Variants in SREBF2 observed in about 807,000 individuals in gnomAD.
SREBF2 encodes the protein sterol regulatory element-binding protein 2.
Under a neutral mutation model 113.1 loss-of-function variants are expected in SREBF2, and 55 were observed. The observed-to-expected ratio is 0.49, with a 90% CI of 0.39 to 0.61. The LOEUF is 0.61. SREBF2 is among the 20% of genes least tolerant of loss of function. The probability of loss-of-function intolerance (pLI) is 0.00; values close to 1 mark genes in which losing one functional copy is unlikely to be tolerated. For missense variants in SREBF2, 1,349 were observed against 1,487.4 expected (o/e 0.91, Z 1.53); for synonymous variants, 593 against 605.7 (o/e 0.98, Z 0.31).
At chr22:41,852,043 C>T (rs984842204) in intron 1 of SREBF2, among the ~76,000 whole-genome samples, 2 of 151,942 alleles carry the variant, frequency 1.3e-5, no homozygotes, top group East Asian at 2.0e-4. Flanking sequence ...ATGGTGTGAA[C>T]CCGGGAGGTG....
chr22:41,869,261 C>T (rs1402276377), intron 3 of SREBF2, among the ~76,000 whole-genome samples: 3 of 151,236 alleles, frequency 2.0e-5, no homozygotes, highest in South Asian at 2.1e-4. Context: ...TGTGCCACCA[C>T]ACCCGGCTAA....
At chr22:41,851,601 C>G (rs978348495) in intron 1 of SREBF2, among the ~76,000 whole-genome samples, 2 of 152,106 alleles carry the variant, frequency 1.3e-5, no homozygotes, top group Non-Finnish European at 2.9e-5. Context: ...TCAAGCGATT[C>G]TCCTGCCTCA....
chr22:41,878,486 G>A (rs1462500456), intron 9 of SREBF2, among the ~76,000 whole-genome samples: 2 of 152,156 alleles, frequency 1.3e-5, no homozygotes, highest in African/African-American at 2.4e-5. Flanking sequence ...GGTGTGTTGA[G>A]TGTAGGTTAT....
chr22:41,860,006 C>T (rs1002233365), intron 1 of SREBF2, among the ~76,000 whole-genome samples: 9 of 151,284 alleles, frequency 5.9e-5, no homozygotes, highest in Admixed American at 3.3e-4. Flanking sequence ...GGGGTTTCAC[C>T]GTGTTAGCCA....
At position 41,877,151 on chromosome 22, in the gene SREBF2, A is replaced by AAT. The variant is rs536960705; in HGVS notation, c.1387-67_1387-66dup. ...AATTTAAACCTCATAACCATTTCTC[A>AAT]ATATATATATATGTATTTATAAAGT... On this transcript the variant is annotated intron_variant, in intron 7 of 18. Transcript: ENST00000361204. 3.0e-4 allele frequency: 419 copies of AAT among 1,379,546 alleles called. 1 individual carries two copies. The highest frequency in any genetic ancestry group is 9.3e-4 in the South Asian group (78 of 83,684). The allele number at this position is 1,379,546 out of a possible 1,614,324, so 85.5% of individuals were successfully genotyped here. A position where few individuals can be genotyped will look rare whatever the true frequency, so the allele number is the denominator to read the frequency against.
chr22:41,853,377 C>A (rs561514087), intron 1 of SREBF2, among the ~76,000 whole-genome samples: 2 of 152,294 alleles, frequency 1.3e-5, no homozygotes, highest in East Asian at 3.9e-4. Context: ...ACTTTGCATC[C>A]TGATCAGCCT....
At chr22:41,871,073 C>G (rs1215583178) in intron 4 of SREBF2, 38 bp downstream of exon 4, 3 of 1,612,928 alleles carry the variant, frequency 1.9e-6, no homozygotes, top group Non-Finnish European at 2.5e-6. Flanking sequence ...CTCCCTCCCC[C>G]TTTATTCCTG....
intron 3 of SREBF2, 53 bp from the exon 4 acceptor site, chr22:41,870,836 A>G (rs2077133422): frequency 6.2e-7 from 1 of 1,609,396 alleles, no homozygotes; most frequent in Admixed American, 1.7e-5. Flanking sequence ...AAAGGAATGC[A>G]TAACAGAAGG....
chr22:41,887,233 A>G (rs1304325604), intron 11 of SREBF2, among the ~76,000 whole-genome samples: 1 of 152,162 alleles, frequency 6.6e-6, no homozygotes, highest in Non-Finnish European at 1.5e-5. Context: ...AAAAAAAAAA[A>G]GATTACAATA....
At chr22:41,865,401 A>G (rs1259468141) in intron 1 of SREBF2, among the ~76,000 whole-genome samples, 1 of 152,196 alleles carries the variant, frequency 6.6e-6, no homozygotes, top group Non-Finnish European at 1.5e-5. Flanking sequence ...AATGTAGAGA[A>G]TTGTAGGTCT....
intron 10 of SREBF2, among the ~76,000 whole-genome samples, chr22:41,881,852 A>G (rs2077248503): frequency 6.6e-6 from 1 of 152,152 alleles, no homozygotes; most frequent in African/African-American, 2.4e-5. Context: ...CAGGAGGATC[A>G]CTTGCACTCA....
chr22:41,848,879 C>G (rs984435434), intron 1 of SREBF2, among the ~76,000 whole-genome samples: 2 of 151,954 alleles, frequency 1.3e-5, no homozygotes, highest in African/African-American at 2.4e-5. Context: ...TATTAACTCA[C>G]TTAAAACAGT....
intron 1 of SREBF2, among the ~76,000 whole-genome samples, chr22:41,864,265 C>G (rs112903417): frequency 2.6e-5 from 2 of 76,352 alleles, no homozygotes; most frequent in Non-Finnish European, 4.9e-5. Context: ...TATATATACA[C>G]ACACACACAC....
In SREBF2 at chr22:41,905,524, C is replaced by G; in HGVS notation, c.3290C>G (p.Ser1097Cys). Residue 1097 changes from serine to cysteine, a missense_variant, in exon 19 of 19, where the codon TCC becomes TGC. Physicochemically the swap from Ser to Cys is moderately radical, Grantham distance 112 (BLOSUM62 -1). Around this residue, in one of 2 missense-constraint regions of SREBF2, gnomAD observed 650 missense variants for 644.1 expected, o/e 1.01. Transcript: ENST00000361204. ...CGCCACCTGCCCCTCTCCTTCCTCT[C>G]CTCCCCGGGCCAGCGGGCAGTGCTG... is the stretch of plus-strand genomic sequence containing the variant. ...ACRHLPLSFL[S>C]SPGQRAVLLA... 6.3e-7 allele frequency: 1 copy of G among 1,585,704 alleles called. No homozygotes were observed. The highest frequency in any genetic ancestry group is 8.6e-7 in the Non-Finnish European group (1 of 1,166,518).
intron 10 of SREBF2, among the ~76,000 whole-genome samples, chr22:41,882,514 A>G (rs557392485): frequency 1.4e-4 from 21 of 152,238 alleles, no homozygotes; most frequent in African/African-American, 4.8e-4. Context: ...CCCTCATCTA[A>G]AGAACAGATA....
rs753950464 is a variant in SREBF2, at chr22:41,898,629, T to C, written c.2606-20T>C. On this transcript the variant is annotated intron_variant, in intron 14 of 18. Transcript: ENST00000361204. ...CGTTTCTGTGGGTGCTGGAGTGCGT[T>C]TGGTGCTGTTCTCCTCTAGGTCCAG... 7 of 1,613,406 alleles carry C rather than the reference T, an allele frequency of 4.3e-6. No individual in the cohort carries two copies. The East Asian group carries it at 1.6e-4, about 36-fold the overall frequency.
intron 11 of SREBF2, among the ~76,000 whole-genome samples, chr22:41,888,572 G>A (rs1277341837): frequency 2.0e-5 from 3 of 152,172 alleles, no homozygotes; most frequent in Admixed American, 6.5e-5. Context: ...AGTGACTAAC[G>A]ATGAATCTTG....
At chr22:41,865,657 C>T (rs1041348088) in intron 1 of SREBF2, among the ~76,000 whole-genome samples, 1 of 152,052 alleles carries the variant, frequency 6.6e-6, no homozygotes, top group South Asian at 2.1e-4. Context: ...GTGGACAAAT[C>T]CCTTTGGACC....
At chr22:41,863,893 AT>A (rs2077046644) in intron 1 of SREBF2, among the ~76,000 whole-genome samples, 1 of 151,640 alleles carries the variant, frequency 6.6e-6, no homozygotes, top group South Asian at 2.1e-4. Flanking sequence ...TTATTTATTT[AT>A]TTTTTGGGAC....
Sources: gnomAD v4.1 joint callset for allele counts (sites outside exome capture counted in the v4.1 genomes callset) on GRCh38, gnomAD v4.1.1 for gene constraint, gnomAD v4.1.1 regional missense constraint, MANE v1.5 for transcripts, NCBI Gene and HGNC (gene_info 2026-07-23, HGNC 2026-07-21) for gene names.